TMEM247: variants seen among roughly 807,000 people sequenced by gnomAD.
The protein encoded by TMEM247 is transmembrane protein ENSP00000343375.
In TMEM247, 23 loss-of-function variants were observed where a neutral mutation model predicts 20.7. The observed-to-expected ratio is 1.11, with a 90% CI of 0.80 to 1.57. The LOEUF is 1.57. Ranked by LOEUF, TMEM247 falls within the 40% of genes most tolerant of loss-of-function variation. The pLI is 0.00. For synonymous variants in TMEM247, 106 were observed against 111.9 expected (o/e 0.95, Z 0.33); for missense variants, 354 against 283.8 (o/e 1.25, Z -1.78).
chr2:46,480,469 A>G, exon 2 of TMEM247: 1 of 1,551,652 alleles, frequency 6.4e-7, no homozygotes, highest in Non-Finnish European at 8.7e-7. Context: ...GCTTGTGAGG[A>G]CGGAGGCTGC....
chr2:46,480,535 C>T lies in TMEM247; in HGVS notation c.248C>T (p.Ala83Val), dbSNP rs116983452. 1,377 of 1,551,752 alleles carry T rather than the reference C, an allele frequency of 8.9e-4. 19 individuals are homozygous for T. The East Asian group carries it at 0.02, about 23-fold the overall frequency. Reference sequence around the variant, plus strand: ...TCCTGCCGTGCTACCAAAGGCCAGGCTGGCGACGGACCCAAACCCGCAGAG... The same window carrying T: ...TCCTGCCGTGCTACCAAAGGCCAGGTTGGCGACGGACCCAAACCCGCAGAG... Residue 83 changes from alanine (A) to valine (V), a missense_variant, in exon 2 of 3, where the codon GCT becomes GTT. By Grantham distance (64) the Ala-to-Val change is moderately conservative (BLOSUM62 0). Coordinates refer to ENST00000434431, the Ensembl canonical transcript of TMEM247.
chr2:46,484,378 C>G, exon 3 of TMEM247: 1 of 1,552,364 alleles, frequency 6.4e-7, no homozygotes, highest in Non-Finnish European at 8.7e-7. Context: ...ACTACCTATT[C>G]TGCATTGCAG....
intron 1 of TMEM247, 65 bp downstream of exon 1, chr2:46,479,767 G>T: frequency 1.7e-6 from 2 of 1,186,764 alleles, no homozygotes; most frequent in Non-Finnish European, 2.4e-6. Context: ...AATACTGTAG[G>T]AACACATGCT....
intron 1 of TMEM247, 25 bp from the exon 2 acceptor site, chr2:46,480,380 C>A (rs1171276719): frequency 6.6e-7 from 1 of 1,514,754 alleles, no homozygotes; most frequent in African/African-American, 1.4e-5. Flanking sequence ...CAAGGTACCT[C>A]CCCTCCCTGC....
chr2:46,484,245 T>C (rs1456494672), exon 3 of TMEM247: 1 of 1,549,018 alleles, frequency 6.5e-7, no homozygotes. Context: ...CCCCCACAGT[T>C]TTCAGGAGGC....
At position 46,483,205 on chromosome 2, in the gene TMEM247, G is replaced by A. The variant is rs117553858; in HGVS notation, c.478-1039G>A. Among the ~76,000 whole-genome samples, 146 of 152,282 alleles carry A rather than the reference G, an allele frequency of 9.6e-4. 2 individuals are homozygous for A. The East Asian group carries it at 0.027, about 28-fold the overall frequency. On this transcript the variant is annotated intron_variant, in intron 2 of 2. Transcript: ENST00000434431. The stretch of plus-strand genomic sequence containing the variant: ...TTAACTATGGATCAAAATAATATCA[G>A]CTTTTGCCTTACTTATACATTGATA...
rs543667103 is a variant in TMEM247 at position 46,479,627 on chromosome 2, G to A, written c.42G>A (p.Ala14=). The stretch of plus-strand genomic sequence containing the variant: ...GGGAGATGATGGAAGCCCGGGGTGC[G>A]GGAGAAAGTTGCCCGACCTTCCCCA... The change falls in exon 1 of 3, where the codon GCG becomes GCA. Residue 14 remains alanine, a synonymous_variant. Transcript: ENST00000434431. 65 of 1,551,736 alleles carry A rather than the reference G, an allele frequency of 4.2e-5. No homozygotes were observed. In the Middle Eastern group the frequency reaches 8.3e-4, roughly 20 times the overall value.
exon 3 of TMEM247, chr2:46,484,373 C>G (rs1686948896): frequency 1.3e-6 from 2 of 1,552,266 alleles, no homozygotes; most frequent in African/African-American, 2.7e-5. Context: ...CAAGCACTAC[C>G]TATTCTGCAT....
exon 1 of TMEM247, chr2:46,479,662 C>G (rs529008614): frequency 1.3e-6 from 2 of 1,551,762 alleles, no homozygotes; most frequent in South Asian, 2.4e-5. Flanking sequence ...AAGATGGTGC[C>G]TGGTGACTCC....
In TMEM247 at chr2:46,480,780, C is replaced by G; in HGVS notation, c.477+16C>G. 6.5e-7 allele frequency: 1 copy of G among 1,535,502 alleles called. No individual in the cohort carries two copies. The highest frequency in any genetic ancestry group is 8.8e-7 in the Non-Finnish European group (1 of 1,138,878). On this transcript the variant is annotated intron_variant, in intron 2 of 2. Transcript: ENST00000434431. ...GCCCCGCCTGGTGGGTGACAAGGAA[C>G]GGGGCACTGGGAGGAGGGAGGCCTG...
intron 1 of TMEM247, among the ~76,000 whole-genome samples, chr2:46,480,104 G>A (rs1308609487): frequency 2.6e-5 from 4 of 152,108 alleles, no homozygotes; most frequent in African/African-American, 9.7e-5. Flanking sequence ...GGATGGGCCC[G>A]GAAGTTGCCT....
exon 2 of TMEM247, chr2:46,480,705 C>T (rs1686868036): frequency 1.3e-6 from 2 of 1,550,722 alleles, no homozygotes; most frequent in African/African-American, 1.4e-5. Flanking sequence ...GCAGCTGCAG[C>T]GGGAGCGGCA....
At chr2:46,479,846 G>A (rs1686844717) in intron 1 of TMEM247, 144 bp downstream of exon 1, 2 of 641,196 alleles carry the variant, frequency 3.1e-6, no homozygotes, top group Non-Finnish European at 5.6e-6. Context: ...GGCACCAGCT[G>A]TCACCAGGGA....
rs781149530 is a variant in TMEM247, at chr2:46,480,659, G to A, written c.372G>A (p.Lys124=). 2.6e-6 allele frequency: 4 copies of A among 1,551,790 alleles called. No individual in the cohort carries two copies. The South Asian group carries it at 4.8e-5, about 18-fold the overall frequency. ...CGCGGCTCAAGTACCTGCATGAGAAGAACCAGCGGCAGCGGCAGCACGAGG... is the reference window on the plus strand; with the variant it reads ...CGCGGCTCAAGTACCTGCATGAGAAAAACCAGCGGCAGCGGCAGCACGAGG... Residue 124 remains lysine (K), a synonymous_variant, in exon 2 of 3, where the codon AAG becomes AAA. Transcript: ENST00000434431.
rs555798433 is a variant in TMEM247 at position 46,484,309 on chromosome 2, C to T, written c.543C>T (p.Phe181=). ...AGTTTGCCATGTTCCTGTACTGCTT[C>T]ATCTTCATTCACATCATCTATGTCA... Residue 181 remains phenylalanine (F), a synonymous_variant, in exon 3 of 3, where the codon TTC becomes TTT. Coordinates refer to ENST00000434431, the Ensembl canonical transcript of TMEM247. 5.2e-6 allele frequency: 8 copies of T among 1,552,358 alleles called. No homozygotes were observed. In the African/African-American group the frequency reaches 9.6e-5, roughly 19 times the overall value.
intron 2 of TMEM247, among the ~76,000 whole-genome samples, chr2:46,481,671 A>C (rs1363674737): frequency 1.3e-5 from 2 of 152,186 alleles, no homozygotes; most frequent in Non-Finnish European, 2.9e-5. Context: ...CACTCAATAA[A>C]CGTTAGCTAC....
chr2:46,479,895 C>A (rs1457351114), intron 1 of TMEM247, among the ~76,000 whole-genome samples, 193 bp downstream of exon 1: 1 of 152,176 alleles, frequency 6.6e-6, no homozygotes, highest in Non-Finnish European at 1.5e-5. Flanking sequence ...TCATATGAAG[C>A]TGGGTTTGGT....
intron 2 of TMEM247, among the ~76,000 whole-genome samples, chr2:46,482,484 G>C (rs1247140965): frequency 6.6e-6 from 1 of 152,198 alleles, no homozygotes; most frequent in East Asian, 1.9e-4. Flanking sequence ...TTTTCAGTTT[G>C]AAAATCTTTC....
rs964313545 is a variant in TMEM247, at chr2:46,484,363, C to G, written c.597C>G (p.Ala199=). The G allele has an allele frequency of 4.5e-6, 7 of 1,552,308 alleles. No individual in the cohort carries two copies. In the African/African-American group the frequency reaches 9.6e-5, roughly 21 times the overall value. Residue 199 remains alanine, a synonymous_variant, in exon 3 of 3, where the codon GCC becomes GCG. Transcript: ENST00000434431. ...AGGAGATGGTCTTCTTTCTCTTCGC[C>G]AAGCACTACCTATTCTGCATTGCAG...
Sources: gnomAD v4.1 joint callset for allele counts (sites outside exome capture counted in the v4.1 genomes callset) on GRCh38, gnomAD v4.1.1 for gene constraint, MANE v1.5 for transcripts, NCBI Gene and HGNC (gene_info 2026-07-23, HGNC 2026-07-21) for gene names.